The following SBSPON variants were observed in gnomAD, a reference collection of about 807,000 sequenced individuals.
SBSPON encodes somatomedin-B and thrombospondin type-1 domain-containing protein.
Under a neutral mutation model 35.8 loss-of-function variants are expected in SBSPON, and 30 were observed. The ratio of observed to expected loss-of-function variants is 0.84; its 90% CI spans 0.63 to 1.14. The LOEUF (loss-of-function observed/expected upper bound fraction) is 1.14. SBSPON is among the 50% of genes most tolerant of loss of function. The pLI is 0.00. For synonymous variants in SBSPON, 136 were observed against 135.9 expected (o/e 1.00, Z 0.00); for missense variants, 364 against 357.7 (o/e 1.02, Z -0.14).
intron 2 of SBSPON, among the ~76,000 whole-genome samples, chr8:73,075,364 T>C (rs1810573863): frequency 1.3e-5 from 2 of 152,142 alleles, no homozygotes; most frequent in Admixed American, 1.3e-4. Context: ...CACTTTTTAA[T>C]ACACCCCCCC....
At chr8:73,067,578 C>T (rs1810413108) in intron 4 of SBSPON, 120 bp from the exon 5 acceptor site, 1 of 331,206 alleles carries the variant, frequency 3.0e-6, no homozygotes, top group Non-Finnish European at 5.5e-6. Context: ...TATAGTGAAA[C>T]CCCGTCTCTA....
chr8:73,089,908 C>G (rs781782587), intron 1 of SBSPON, among the ~76,000 whole-genome samples: 1 of 152,150 alleles, frequency 6.6e-6, no homozygotes, highest in African/African-American at 2.4e-5. Context: ...GGGTCTTACT[C>G]TGTGGCCCAG....
chr8:73,088,085 A>T (rs914643720), intron 1 of SBSPON, among the ~76,000 whole-genome samples: 3 of 152,228 alleles, frequency 2.0e-5, no homozygotes, highest in African/African-American at 7.2e-5. Context: ...CCATTGTCAT[A>T]AGGAGATTTC....
chr8:73,078,786 C>T (rs1432559248), intron 2 of SBSPON, among the ~76,000 whole-genome samples: 3 of 152,062 alleles, frequency 2.0e-5, no homozygotes, highest in Admixed American at 6.6e-5. Flanking sequence ...GAATGACCTC[C>T]CTGTGACCTT....
intron 1 of SBSPON, among the ~76,000 whole-genome samples, chr8:73,090,206 T>C (rs1018769079): frequency 2.0e-5 from 3 of 152,190 alleles, no homozygotes; most frequent in African/African-American, 7.2e-5. Flanking sequence ...TGAGGTACTT[T>C]AGGCCCCACG....
intron 1 of SBSPON, among the ~76,000 whole-genome samples, chr8:73,087,869 C>G (rs930327437): frequency 6.6e-6 from 1 of 152,160 alleles, no homozygotes; most frequent in African/African-American, 2.4e-5. Context: ...TTCTAGGAAC[C>G]CAGCTGGAGA....
In SBSPON at chr8:73,066,599, G is replaced by T. The variant is rs1810391073; in HGVS notation, c.*742C>A. 1 of 152,148 alleles carries T rather than the reference G, an allele frequency of 6.6e-6. No homozygotes were observed. The highest frequency in any genetic ancestry group is 1.9e-4 in the East Asian group (1 of 5,198). 9.4% of individuals were successfully genotyped at this position (152,148 alleles called of 1,614,324 possible). A position where few individuals can be genotyped will look rare whatever the true frequency, so the allele number is the denominator to read the frequency against. On this transcript the variant is annotated 3_prime_UTR_variant, in exon 5 of 5. Coordinates refer to ENST00000297354, the MANE Select transcript of SBSPON (RefSeq NM_153225.4). ...TTGGAAATAATCTTAGATGCAAATG[G>T]TGGTAGAATTTTCAGAATGAAAGCA...
rs1305559678 is a variant in SBSPON at position 73,069,887 on chromosome 8, A to G, written c.595T>C (p.Tyr199His). Reference protein sequence around the residue: ...TRWMQYLREGYTVCVDCQPPA... With the variant: ...TRWMQYLREGHTVCVDCQPPA... ...GGCTGACAATCCACACACACCGTGT[A>G]TCCCTCTCGGAGATACTGCATCCAT... is the stretch of plus-strand genomic sequence containing the variant. The change falls in exon 4 of 5, where the codon TAC becomes CAC. Residue 199 changes from tyrosine to histidine, a missense_variant. Tyr to His is a moderately conservative substitution (Grantham distance 83). Transcript: ENST00000297354. 1 of 1,613,558 alleles carries G rather than the reference A, an allele frequency of 6.2e-7. No individual in the cohort carries two copies. The highest frequency in any genetic ancestry group is 1.3e-5 in the African/African-American group (1 of 74,940).
chr8:73,082,565 C>T (rs955933419), intron 1 of SBSPON, among the ~76,000 whole-genome samples: 1 of 152,196 alleles, frequency 6.6e-6, no homozygotes, highest in Non-Finnish European at 1.5e-5. Context: ...TGCTTTCATT[C>T]ATCAATGAAA....
intron 4 of SBSPON, among the ~76,000 whole-genome samples, chr8:73,067,995 A>G (rs1810425602): frequency 6.6e-6 from 1 of 152,062 alleles, no homozygotes; most frequent in South Asian, 2.1e-4. Context: ...ATCTGAGCAC[A>G]AGTGCTGCAT....
intron 2 of SBSPON, chr8:73,075,731 TG>T: frequency 1.1e-6 from 1 of 893,000 alleles, no homozygotes; most frequent in Non-Finnish European, 1.3e-6. Flanking sequence ...AAAGCAGGCC[TG>T]GGATCACTGG....
chr8:73,074,550 C>A, intron 2 of SBSPON: 1 of 981,784 alleles, frequency 1.0e-6, no homozygotes, highest in African/African-American at 1.7e-5. Context: ...GCAACGTCTC[C>A]GAAATCAAAC....
At chr8:73,071,436 C>G (rs532945995) in intron 3 of SBSPON, among the ~76,000 whole-genome samples, 2 of 152,292 alleles carry the variant, frequency 1.3e-5, no homozygotes, top group South Asian at 2.1e-4. Context: ...GTGTCACTTT[C>G]AAATTCACCA....
intron 1 of SBSPON, among the ~76,000 whole-genome samples, chr8:73,086,731 T>C (rs1810833429): frequency 1.3e-5 from 2 of 152,154 alleles, no homozygotes; most frequent in African/African-American, 4.8e-5. Context: ...AAATAGAATT[T>C]TATATACTAT....
chr8:73,081,376 A>C (rs1810701566), intron 1 of SBSPON, among the ~76,000 whole-genome samples, 163 bp from the exon 2 acceptor site: 1 of 152,162 alleles, frequency 6.6e-6, no homozygotes, highest in Non-Finnish European at 1.5e-5. Context: ...CCCAGATGAC[A>C]CTGATTCCAC....
Position 73,073,037 on chromosome 8 carries a change from A to AT in SBSPON, c.410-1168dup, listed in dbSNP as rs775028530. Among the ~76,000 whole-genome samples the AT allele has an allele frequency of 1.4e-3, 218 of 152,320 alleles. 2 individuals carry two copies. The highest frequency in any genetic ancestry group is 5.1e-3 in the African/African-American group (211 of 41,562). On this transcript the variant is annotated intron_variant, in intron 2 of 4. Transcript: ENST00000297354. ...GGCATTTGTTGCTATAATAACACCT[A>AT]TAGGTGTCAGTCTCCTGGACTGACT... is the stretch of plus-strand genomic sequence containing the variant.
intron 2 of SBSPON, among the ~76,000 whole-genome samples, chr8:73,074,230 T>C (rs1481682498): frequency 6.6e-6 from 1 of 152,220 alleles, no homozygotes; most frequent in African/African-American, 2.4e-5. Flanking sequence ...CATATATCAT[T>C]ACAAAAGTTC....
intron 2 of SBSPON, among the ~76,000 whole-genome samples, chr8:73,072,833 A>T (rs1586090930): frequency 6.6e-6 from 1 of 152,062 alleles, no homozygotes. Context: ...CAGCTCAGGG[A>T]AAGAAAGTCT....
At chr8:73,085,465 C>A (rs532551412) in intron 1 of SBSPON, 6 of 152,076 alleles carry the variant, frequency 3.9e-5, no homozygotes, top group African/African-American at 1.4e-4. Context: ...CTTTTCTATG[C>A]CACTCATGGT....
Sources: allele counts gnomAD v4.1 joint callset (sites outside exome capture counted in the v4.1 genomes callset), GRCh38; gene constraint gnomAD v4.1.1; transcripts MANE v1.5; gene names NCBI Gene and HGNC (gene_info 2026-07-23, HGNC 2026-07-21).